THSD7B: variants seen among roughly 807,000 people sequenced by gnomAD.
THSD7B encodes the protein thrombospondin type-1 domain-containing protein 7B.
A neutral mutation model predicts 213.6 loss-of-function variants in THSD7B; 138 were observed. That is an observed-to-expected ratio of 0.65 (90% CI 0.56 to 0.74). The LOEUF (loss-of-function observed/expected upper bound fraction) is 0.74, where lower values mean the gene tolerates loss of function less well. Ranked by LOEUF, THSD7B falls within the 30% of genes least tolerant of loss-of-function variation. The pLI, the probability that THSD7B is intolerant of heterozygous loss-of-function variation, is 0.00. For missense variants in THSD7B, 1,931 were observed against 1,991.5 expected (o/e 0.97, Z 0.58); for synonymous variants, 742 against 687.0 (o/e 1.08, Z -1.25).
intron 12 of THSD7B, among the ~76,000 whole-genome samples, chr2:137,356,951 CACACACACACACACAG>C (rs1435271607): frequency 1.6e-4 from 18 of 112,360 alleles, no homozygotes; most frequent in Non-Finnish European, 3.1e-4. Context: ...CACACATACA[CACACACACACACACAG>C]ACACACACAC....
chr2:137,238,078 G>A (rs903000714), intron 9 of THSD7B, among the ~76,000 whole-genome samples: 1 of 152,128 alleles, frequency 6.6e-6, no homozygotes, highest in Non-Finnish European at 1.5e-5. Flanking sequence ...CCCAGTGAGT[G>A]TTTATGGTGA....
At chr2:137,602,902 T>G (rs1443912300) in intron 17 of THSD7B, among the ~76,000 whole-genome samples, 2 of 152,174 alleles carry the variant, frequency 1.3e-5, no homozygotes, top group South Asian at 2.1e-4. Context: ...CATGTCTGTA[T>G]CTACCATCCA....
chr2:137,267,110 C>T (rs550668349), intron 10 of THSD7B, among the ~76,000 whole-genome samples: 13 of 152,294 alleles, frequency 8.5e-5, no homozygotes, highest in African/African-American at 2.2e-4. Flanking sequence ...GTAGCCCATT[C>T]GTGTGCTTTC....
At chr2:137,159,477 AAAAG>A (rs1338657267) in intron 5 of THSD7B, among the ~76,000 whole-genome samples, 3 of 149,874 alleles carry the variant, frequency 2.0e-5, no homozygotes, top group African/African-American at 7.5e-5. Context: ...GCAAAAAATA[AAAAG>A]AAAAAAAAAG....
Position 137,551,666 on chromosome 2 carries a change from T to G in THSD7B, c.3139-11555T>G, listed in dbSNP as rs188152708. ...TTGTTAAATAAAGCTTATTTAGTAT[T>G]ATTAGTTTCATTTTTTGGTTCTTAA... is the stretch of plus-strand genomic sequence containing the variant. On this transcript the variant is annotated intron_variant, in intron 15 of 27. Coordinates refer to ENST00000409968, the MANE Select transcript of THSD7B (RefSeq NM_001316349.2). Among the ~76,000 whole-genome samples, 249 of 152,348 alleles carry G rather than the reference T, an allele frequency of 1.6e-3. 1 individual carries two copies. The highest frequency in any genetic ancestry group is 5.7e-3 in the African/African-American group (238 of 41,586).
chr2:137,070,009 T>G (rs1269703140), intron 3 of THSD7B, among the ~76,000 whole-genome samples: 1 of 151,752 alleles, frequency 6.6e-6, no homozygotes, highest in Non-Finnish European at 1.5e-5. Flanking sequence ...CTCATCCATA[T>G]TGATTTAATT....
intron 15 of THSD7B, among the ~76,000 whole-genome samples, chr2:137,505,813 G>C (rs1052521060): frequency 3.9e-5 from 6 of 152,248 alleles, no homozygotes; most frequent in African/African-American, 1.4e-4. Context: ...CTGTCAGGAA[G>C]CAGAGGGAGT....
At chr2:137,166,013 T>G (rs1680121777) in intron 6 of THSD7B, among the ~76,000 whole-genome samples, 1 of 152,094 alleles carries the variant, frequency 6.6e-6, no homozygotes, top group Non-Finnish European at 1.5e-5. Flanking sequence ...ATAGAAGAAA[T>G]TAGTTACTAT....
intron 12 of THSD7B, among the ~76,000 whole-genome samples, chr2:137,289,917 G>A (rs1173814644): frequency 6.6e-6 from 1 of 151,978 alleles, no homozygotes; most frequent in Non-Finnish European, 1.5e-5. Flanking sequence ...TCAGGATTTG[G>A]AAAAGAAAAT....
rs774268629 is a variant in THSD7B, at chr2:137,232,964, A to G, written c.1981A>G (p.Met661Val). The G allele has an allele frequency of 3.1e-6, 5 of 1,613,938 alleles. No individual in the cohort carries two copies. Among genetic ancestry groups the G allele is most frequent in the East Asian group, 2.2e-5 (1 of 44,882 alleles). ...EHRLCNDHSC[M>V]QLHWETSPWG... ...TCGTTTGTGTAATGACCATTCCTGT[A>G]TGCAGCTTCACTGGGAGACATCGCC... Residue 661 changes from methionine (M) to valine (V), a missense_variant, in exon 9 of 28, where the codon ATG becomes GTG. Physicochemically the swap from Met to Val is conservative, Grantham distance 21. Transcript: ENST00000409968.
Position 136,882,431 on chromosome 2 carries a change from AG to A in THSD7B, c.139+115del. 3 of 1,103,724 alleles carry A rather than the reference AG, an allele frequency of 2.7e-6. No homozygotes were observed. The South Asian group carries it at 1.0e-4, about 38-fold the overall frequency. 68.4% of individuals were successfully genotyped at this position (1,103,724 alleles called of 1,614,324 possible). A position where few individuals can be genotyped will look rare whatever the true frequency, so the allele number is the denominator to read the frequency against. Reference sequence around the variant, plus strand: ...TGGGAAATATCCAGAGAGGAAAAATAGACTCTTTTTTTTAAATTCTGCAGCT... The same window carrying A: ...TGGGAAATATCCAGAGAGGAAAAATAACTCTTTTTTTTAAATTCTGCAGCT... On this transcript the variant is annotated intron_variant, in intron 2 of 27. Coordinates refer to ENST00000409968, the MANE Select transcript of THSD7B (RefSeq NM_001316349.2).
At chr2:137,336,087 G>A (rs1162164765) in intron 12 of THSD7B, among the ~76,000 whole-genome samples, 1 of 135,940 alleles carries the variant, frequency 7.4e-6, no homozygotes, top group East Asian at 2.4e-4. Context: ...TTGTTTTCCA[G>A]AGACAGAAGA....
chr2:137,635,316 A>T (rs1051944555), intron 20 of THSD7B, among the ~76,000 whole-genome samples: 1 of 152,174 alleles, frequency 6.6e-6, no homozygotes, highest in Non-Finnish European at 1.5e-5. Context: ...TTCCCAATTG[A>T]TACCTATTGT....
chr2:137,341,223 A>G (rs1041107483), intron 12 of THSD7B, among the ~76,000 whole-genome samples: 5 of 151,276 alleles, frequency 3.3e-5, no homozygotes, highest in African/African-American at 1.2e-4. Context: ...TTTCATTTAT[A>G]TGTTGGCCAT....
At chr2:137,243,401 A>G (rs1681957900) in intron 10 of THSD7B, among the ~76,000 whole-genome samples, 2 of 152,244 alleles carry the variant, frequency 1.3e-5, no homozygotes, top group Admixed American at 6.5e-5. Flanking sequence ...AAGGAAAGAC[A>G]GAAAGAATAT....
intron 2 of THSD7B, among the ~76,000 whole-genome samples, chr2:136,901,526 T>A (rs191049358): frequency 6.6e-6 from 1 of 152,232 alleles, no homozygotes; most frequent in Non-Finnish European, 1.5e-5. Context: ...GCTAATGAGA[T>A]GAATGGAAAT....
chr2:137,122,727 C>G (rs1243723446), intron 5 of THSD7B, among the ~76,000 whole-genome samples: 1 of 152,092 alleles, frequency 6.6e-6, no homozygotes. Context: ...GGCTTTGGAG[C>G]TCATCTCTAC....
In THSD7B at chr2:137,655,638, G is replaced by A. The variant is rs189136768; in HGVS notation, c.4083G>A (p.Gln1361=). Residue 1361 remains glutamine, a synonymous_variant, in exon 22 of 28, where the codon CAG becomes CAA. Coordinates refer to ENST00000409968, the MANE Select transcript of THSD7B (RefSeq NM_001316349.2). ...EMPFQDSILK[Q]LCSVPCPGDC... ...CCTTTCAGGACAGCATCCTGAAGCA[G>A]CTGTGTTCTGTGCCTTGCCCAGGTA... is the stretch of plus-strand genomic sequence containing the variant. 37 of 1,613,228 alleles carry A rather than the reference G, an allele frequency of 2.3e-5. No individual in the cohort carries two copies. The East Asian group carries it at 7.6e-4, about 33-fold the overall frequency.
intron 3 of THSD7B, among the ~76,000 whole-genome samples, chr2:137,092,097 A>G (rs1170467815): frequency 1.3e-5 from 2 of 152,154 alleles, no homozygotes; most frequent in East Asian, 1.9e-4. Context: ...TGAAAGGACT[A>G]ATATTATCTA....
Sources: gnomAD v4.1 joint callset for allele counts (sites outside exome capture counted in the v4.1 genomes callset) on GRCh38, gnomAD v4.1.1 for gene constraint, MANE v1.5 for transcripts, NCBI Gene and HGNC (gene_info 2026-07-23, HGNC 2026-07-21) for gene names.